Variants in DSCAML1 observed in about 807,000 individuals in gnomAD.
DSCAML1 encodes the protein cell adhesion molecule DSCAML1.
A neutral mutation model predicts 200.5 loss-of-function variants in DSCAML1; 38 were observed. That is an observed-to-expected ratio of 0.19 (90% confidence interval 0.15 to 0.25). The LOEUF (loss-of-function observed/expected upper bound fraction) is 0.25, where lower values mean the gene tolerates loss of function less well. Among genes scored for constraint, DSCAML1 ranks in the 10% least tolerant of loss-of-function variants. The pLI is 1.00. For synonymous variants in DSCAML1, 1,215 were observed against 1,165.0 expected (o/e 1.04, Z -0.87); for missense variants, 2,223 against 2,858.8 (o/e 0.78, Z 5.07).
chr11:117,804,418 T>C (rs754115666), intron 1 of DSCAML1, among the ~76,000 whole-genome samples: 2 of 152,248 alleles, frequency 1.3e-5, no homozygotes, highest in Non-Finnish European at 2.9e-5. Context: ...CACAGTCATG[T>C]ACACATGCTT....
intron 3 of DSCAML1, among the ~76,000 whole-genome samples, chr11:117,708,448 G>A (rs759281329): frequency 3.9e-5 from 6 of 152,154 alleles, no homozygotes; most frequent in Admixed American, 6.5e-5. Flanking sequence ...TTGACTTTGG[G>A]TAAGTTTCTT....
At chr11:117,764,854 G>A (rs192958485) in intron 3 of DSCAML1, among the ~76,000 whole-genome samples, 359 of 152,294 alleles carry the variant, frequency 2.4e-3, no homozygotes, top group Middle Eastern at 0.01. Flanking sequence ...TCTTAGAAGG[G>A]ATTCCTTTGT....
chr11:117,601,350 T>C (rs2051462572), intron 3 of DSCAML1, among the ~76,000 whole-genome samples: 2 of 152,038 alleles, frequency 1.3e-5, no homozygotes, highest in African/African-American at 4.8e-5. Flanking sequence ...ACCACCAGGG[T>C]GTGTTGAGGA....
chr11:117,499,153 G>T (rs893791070), intron 11 of DSCAML1, among the ~76,000 whole-genome samples: 2 of 152,222 alleles, frequency 1.3e-5, no homozygotes. Flanking sequence ...TTCCCCATGT[G>T]TCAGTTGAAG....
rs1305924785 is a variant in DSCAML1 at position 117,517,807 on chromosome 11, T to C, written c.1510+659A>G. Among the ~76,000 whole-genome samples the C allele has an allele frequency of 2.0e-5, 3 of 152,202 alleles. No individual in the cohort carries two copies. In the East Asian group the frequency reaches 5.8e-4, roughly 29 times the overall value. On this transcript the variant is annotated intron_variant, in intron 7 of 32. Coordinates refer to ENST00000651296, the MANE Select transcript of DSCAML1 (RefSeq NM_020693.4). ...AAGAGCTTCAGAGGAGACTGTGTTC[T>C]CACCACAGTGACTTGAAGAACTGAG... is the stretch of plus-strand genomic sequence containing the variant.
chr11:117,659,595 C>A (rs1022913843), intron 3 of DSCAML1, among the ~76,000 whole-genome samples: 2 of 152,128 alleles, frequency 1.3e-5, no homozygotes, highest in African/African-American at 2.4e-5. Context: ...GAGTTAGCAC[C>A]CCTAGGGGAG....
At chr11:117,558,858 C>T (rs2050606127) in intron 3 of DSCAML1, among the ~76,000 whole-genome samples, 1 of 152,190 alleles carries the variant, frequency 6.6e-6, no homozygotes, top group Non-Finnish European at 1.5e-5. Flanking sequence ...ACAGTGCTTT[C>T]TCATACAATG....
chr11:117,675,095 A>G (rs545374757), intron 3 of DSCAML1, among the ~76,000 whole-genome samples: 1 of 152,288 alleles, frequency 6.6e-6, no homozygotes, highest in East Asian at 1.9e-4. Context: ...CATTTGTAAA[A>G]AGAAGATAGT....
intron 3 of DSCAML1, among the ~76,000 whole-genome samples, chr11:117,693,489 C>T (rs1398160437): frequency 6.6e-6 from 1 of 152,072 alleles, no homozygotes; most frequent in African/African-American, 2.4e-5. Flanking sequence ...AGGATCAAGC[C>T]CTGCACCCCC....
chr11:117,735,771 G>C (rs1388765887), intron 3 of DSCAML1, among the ~76,000 whole-genome samples: 1 of 152,166 alleles, frequency 6.6e-6, no homozygotes, highest in South Asian at 2.1e-4. Flanking sequence ...TCACTGTCAC[G>C]ACCAGGAGAC....
chr11:117,562,121 C>A (rs2050674725), intron 3 of DSCAML1, among the ~76,000 whole-genome samples: 1 of 152,190 alleles, frequency 6.6e-6, no homozygotes, highest in South Asian at 2.1e-4. Flanking sequence ...TTCAGAGGGG[C>A]AGGCTTTCTG....
At chr11:117,593,959 C>T (rs562962903) in intron 3 of DSCAML1, among the ~76,000 whole-genome samples, 65 of 152,182 alleles carry the variant, frequency 4.3e-4, no homozygotes, top group Admixed American at 5.2e-4. Flanking sequence ...GTGATCCGCC[C>T]GCCTCAGCCT....
intron 3 of DSCAML1, among the ~76,000 whole-genome samples, chr11:117,681,924 C>A (rs901451259): frequency 6.6e-6 from 1 of 152,168 alleles, no homozygotes. Flanking sequence ...TGCCCTGTCC[C>A]AGTCTCTCTC....
At chr11:117,614,643 C>A (rs2051771802) in intron 3 of DSCAML1, among the ~76,000 whole-genome samples, 1 of 152,132 alleles carries the variant, frequency 6.6e-6, no homozygotes, top group African/African-American at 2.4e-5. Flanking sequence ...CTTAAGAAAC[C>A]AAGGCTTAAT....
At chr11:117,669,490 T>C (rs1422368810) in intron 3 of DSCAML1, among the ~76,000 whole-genome samples, 1 of 152,206 alleles carries the variant, frequency 6.6e-6, no homozygotes, top group Admixed American at 6.5e-5. Flanking sequence ...AGCTATCTAG[T>C]GGACCTTCTT....
rs56741831 is a variant in DSCAML1 at position 117,630,658 on chromosome 11, CAAAAAAAA to C, written c.512-98144_512-98137del. Among the ~76,000 whole-genome samples, 30 of 45,596 alleles carry C rather than the reference CAAAAAAAA, an allele frequency of 6.6e-4. No homozygotes were observed. In the East Asian group the frequency reaches 0.011, roughly 17 times the overall value. 29.9% of individuals were successfully genotyped at this position (45,596 alleles called of 152,430 possible). A position where few individuals can be genotyped will look rare whatever the true frequency, so the allele number is the denominator to read the frequency against. On this transcript the variant is annotated intron_variant, in intron 3 of 32. Transcript: ENST00000651296. ...TTTGGAAACTGAGGCATAAAGTGGC[CAAAAAAAA>C]AAAAAAAAAAAAAAAAAAGAGGCAT...
intron 1 of DSCAML1, among the ~76,000 whole-genome samples, chr11:117,811,498 G>T (rs1237622614): frequency 6.6e-6 from 1 of 152,154 alleles, no homozygotes; most frequent in Non-Finnish European, 1.5e-5. Context: ...ACTTCCAAAC[G>T]CCTGAACTGC....
At chr11:117,774,731 A>G (rs1323362980) in intron 3 of DSCAML1, among the ~76,000 whole-genome samples, 1 of 152,164 alleles carries the variant, frequency 6.6e-6, no homozygotes, top group African/African-American at 2.4e-5. Flanking sequence ...ATACATTTAT[A>G]CGGTGGGTGA....
chr11:117,433,896 A>C (rs2047854519), intron 27 of DSCAML1, among the ~76,000 whole-genome samples: 1 of 152,192 alleles, frequency 6.6e-6, no homozygotes, highest in African/African-American at 2.4e-5. Flanking sequence ...GGGAAGCCCC[A>C]GATGATTAAA....
Sources: gnomAD v4.1 joint callset for allele counts (sites outside exome capture counted in the v4.1 genomes callset) on GRCh38, gnomAD v4.1.1 for gene constraint, MANE v1.5 for transcripts, NCBI Gene and HGNC (gene_info 2026-07-23, HGNC 2026-07-21) for gene names.